AVIL: variants seen among roughly 807,000 people sequenced by gnomAD.
The protein encoded by AVIL is advillin.
A neutral mutation model predicts 109.9 loss-of-function variants in AVIL; 78 were observed. That is an observed-to-expected ratio of 0.71 (90% confidence interval 0.59 to 0.86). The LOEUF is 0.86. AVIL is among the 40% of genes least tolerant of loss of function. AVIL has a pLI of 0.00. For synonymous variants in AVIL, 367 were observed against 379.1 expected (o/e 0.97, Z 0.37); for missense variants, 892 against 1,016.5 (o/e 0.88, Z 1.67).
rs374173803 is a variant in AVIL, at chr12:57,810,493, C to G, written c.617G>C (p.Gly206Ala). ...TGCCTCCTTGTCTCCCTCGATCACT[C>G]CTATTTTAGCACGGCCCCCTCGCTC... ...DRERGGRAKIGVIEGDKEAAS... is the reference protein window; with the variant it reads ...DRERGGRAKIAVIEGDKEAAS... The change falls in exon 7 of 20, where the codon GGA becomes GCA. Residue 206 changes from glycine to alanine, a missense_variant. Coordinates refer to ENST00000549994, the MANE Select transcript of AVIL (RefSeq NM_006576.4). 1.5e-5 allele frequency: 24 copies of G among 1,614,198 alleles called. No homozygotes were observed. In the African/African-American group the frequency reaches 2.8e-4, roughly 19 times the overall value.
intron 7 of AVIL, 101 bp from the exon 8 acceptor site, chr12:57,809,991 T>A: frequency 8.0e-7 from 1 of 1,247,542 alleles, no homozygotes; most frequent in Non-Finnish European, 1.2e-6. Flanking sequence ...AGTTTCTAGG[T>A]AGAGTGTGAC....
At chr12:57,803,477 T>G in intron 15 of AVIL, 47 bp downstream of exon 15, 1 of 1,613,780 alleles carries the variant, frequency 6.2e-7, no homozygotes, top group Non-Finnish European at 8.5e-7. Flanking sequence ...TTCACAAGCC[T>G]GGCAGGCAGG....
intron 8 of AVIL, 37 bp from the exon 9 acceptor site, chr12:57,809,732 C>A (rs892992102): frequency 1.2e-6 from 2 of 1,613,756 alleles, no homozygotes; most frequent in African/African-American, 2.7e-5. Context: ...TGCTCAAGAC[C>A]AGAAGGAAGA....
At chr12:57,811,947 A>G (rs769844809) in intron 4 of AVIL, among the ~76,000 whole-genome samples, 7 of 151,874 alleles carry the variant, frequency 4.6e-5, no homozygotes, top group Non-Finnish European at 1.0e-4. Flanking sequence ...ATACGCTTCC[A>G]TTCTAACTGT....
chr12:57,808,481 G>C lies in AVIL; in HGVS notation c.1007C>G (p.Ser336Trp). Residue 336 changes from serine to tryptophan, a missense_variant, in exon 10 of 20, where the codon TCG becomes TGG. Ser to Trp is a radical substitution (Grantham distance 177, BLOSUM62 -3). Coordinates refer to ENST00000549994, the MANE Select transcript of AVIL (RefSeq NM_006576.4). ...NVETVNDGAE[S>W]AMFKQLFQKW... is the part of the protein sequence containing the mutation. ...CTGGAACAGCTGCTTGAACATGGCCGACTCAGCACCATCGTTGACGGTCTC... is the reference window on the plus strand; with the variant it reads ...CTGGAACAGCTGCTTGAACATGGCCCACTCAGCACCATCGTTGACGGTCTC... 1 of 1,614,086 alleles carries C rather than the reference G, an allele frequency of 6.2e-7. No homozygotes were observed. The highest frequency in any genetic ancestry group is 8.5e-7 in the Non-Finnish European group (1 of 1,180,028).
chr12:57,803,864 A>T, intron 14 of AVIL, 195 bp from the exon 15 acceptor site: 2 of 667,562 alleles, frequency 3.0e-6, no homozygotes, highest in South Asian at 6.3e-5. Context: ...AAAGAACAGG[A>T]CTAGGCTTTG....
In AVIL at chr12:57,801,255, T is replaced by C. The variant is rs112274200; in HGVS notation, c.2152-43A>G. 8,984 of 1,534,584 alleles carry C rather than the reference T, an allele frequency of 5.9e-3. 270 individuals carry two copies. The South Asian group carries it at 0.062, about 11-fold the overall frequency. ...AAAACACAGGATGAGGTCTTTCTTATAGGGGAGGGACATCTTAGGTCTGGT... is the reference window on the plus strand; with the variant it reads ...AAAACACAGGATGAGGTCTTTCTTACAGGGGAGGGACATCTTAGGTCTGGT... On this transcript the variant is annotated intron_variant, in intron 17 of 19. Transcript: ENST00000549994.
Position 57,807,599 on chromosome 12 carries a change from G to A in AVIL, c.1323C>T (p.Tyr441=), listed in dbSNP as rs768885926. The change falls in exon 12 of 20, where the codon TAC becomes TAT. Residue 441 remains tyrosine, a synonymous_variant. Transcript: ENST00000549994. ...EVNGKPHHIL[Y]IWQGRHASQD... ...CCTGTGCCAGGCCTACCTGCCAGAT[G>A]TACAAGATGTGATGTGGCTTCCCAT... 7.4e-6 allele frequency: 12 copies of A among 1,614,254 alleles called. No individual in the cohort carries two copies. The highest frequency in any genetic ancestry group is 3.3e-5 in the Admixed American group (2 of 60,026).
chr12:57,806,818 A>G (rs866931544), intron 13 of AVIL, among the ~76,000 whole-genome samples: 10 of 152,350 alleles, frequency 6.6e-5, no homozygotes, highest in South Asian at 6.2e-4. Flanking sequence ...TTATTATTCC[A>G]TAGTACAGAT....
rs758867063 is a variant in AVIL, at chr12:57,810,880, A to G, written c.494T>C (p.Leu165Pro). Residue 165 changes from leucine (L) to proline (P), a missense_variant, in exon 6 of 20, where the codon CTG (leucine) becomes CCG (proline). Transcript: ENST00000549994. ...DSFNRGDVFLLDLGKVIIQWN... is the reference protein window; with the variant it reads ...DSFNRGDVFLPDLGKVIIQWN... ...TTGGATGATGACTTTCCCAAGGTCC[A>G]GCAAGAAGACATCACCTCGGTTGAA... 9.9e-6 allele frequency: 16 copies of G among 1,614,204 alleles called. No homozygotes were observed. The East Asian group carries it at 3.6e-4, about 36-fold the overall frequency.
intron 1 of AVIL, among the ~76,000 whole-genome samples, chr12:57,817,775 G>A (rs979399265): frequency 6.6e-6 from 1 of 152,106 alleles, no homozygotes; most frequent in East Asian, 1.9e-4. Context: ...CCCCGAATGC[G>A]AGAGGATAAG....
chr12:57,802,579 T>A, intron 16 of AVIL: 1 of 714,022 alleles, frequency 1.4e-6, no homozygotes, highest in South Asian at 1.5e-5. Flanking sequence ...ATTGGAGCTG[T>A]CTCTGAACTT....
intron 14 of AVIL, among the ~76,000 whole-genome samples, chr12:57,805,031 G>C (rs963469084): frequency 6.6e-6 from 1 of 152,018 alleles, no homozygotes; most frequent in African/African-American, 2.4e-5. Context: ...ATCTTTTCCT[G>C]TTCTTTTTTG....
Position 57,807,473 on chromosome 12 carries a change from T to C in AVIL, c.1349A>G (p.Gln450Arg), listed in dbSNP as rs1348686565. 1.2e-6 allele frequency: 2 copies of C among 1,614,140 alleles called. No homozygotes were observed. The highest frequency in any genetic ancestry group is 1.7e-6 in the Non-Finnish European group (2 of 1,180,052). The change falls in exon 13 of 20, where the codon CAG (glutamine) becomes CGG (arginine). Residue 450 changes from glutamine to arginine, a missense_variant. By Grantham distance (43) the Gln-to-Arg change is conservative. Coordinates refer to ENST00000549994, the MANE Select transcript of AVIL (RefSeq NM_006576.4). Reference protein sequence around the residue: ...LYIWQGRHASQDELAASAYQA... With the variant: ...LYIWQGRHASRDELAASAYQA... ...GTATGCTGAGGCTGCCAGCTCATCC[T>C]GTGAGGCGTGGCGGCCCTGCAATGG...
chr12:57,797,909 T>C lies in AVIL; in HGVS notation c.2433A>G (p.Gln811=), dbSNP rs1405369927. 9 of 1,612,404 alleles carry C rather than the reference T, an allele frequency of 5.6e-6. No individual in the cohort carries two copies. Among genetic ancestry groups the C allele is most frequent in the East Asian group, 4.5e-5 (2 of 44,804 alleles). ...FAALPGWKQL[Q]MKKEKGLF is the part of the protein sequence containing the mutation. ...AGAAAAGCCCCTTTTCTTTCTTCAT[T>C]TGGAGCTGTTTCCAGCCAGGCAGAG... Residue 811 remains glutamine, a synonymous_variant, in exon 20 of 20, where the codon CAA becomes CAG. Coordinates refer to ENST00000549994, the MANE Select transcript of AVIL (RefSeq NM_006576.4).
rs748174676 is a variant in AVIL at position 57,797,868 on chromosome 12, T to C, written c.*14A>G. 6.3e-7 allele frequency: 1 copy of C among 1,598,938 alleles called. No individual in the cohort carries two copies. The highest frequency in any genetic ancestry group is 1.7e-5 in the Admixed American group (1 of 58,456). On this transcript the variant is annotated 3_prime_UTR_variant, in exon 20 of 20. Coordinates refer to ENST00000549994, the MANE Select transcript of AVIL (RefSeq NM_006576.4). The stretch of plus-strand genomic sequence containing the variant: ...CTTTTCTGTGGCCTTGCAATAGGTA[T>C]AGGCCTTCTTGCTTTAGAAAAGCCC...
intron 13 of AVIL, 77 bp from the exon 14 acceptor site, chr12:57,806,616 C>T (rs1404185759): frequency 4.8e-5 from 72 of 1,513,886 alleles, no homozygotes; most frequent in South Asian, 2.6e-4. Flanking sequence ...TTGTGGGAAA[C>T]GTGAATGTTA....
chr12:57,804,865 C>T (rs1955919186), intron 14 of AVIL, among the ~76,000 whole-genome samples: 1 of 151,790 alleles, frequency 6.6e-6, no homozygotes, highest in Non-Finnish European at 1.5e-5. Context: ...GAAGCTGTAC[C>T]ATTTGCAATC....
chr12:57,806,378 G>T lies in AVIL; in HGVS notation c.1653C>A (p.His551Gln). The part of the protein sequence containing the change: ...DVFLLRTQAE[H>Q]YLWYGKGSSG... ...ATCCTACCTTGCCATACCACAGGTA[G>T]TGCTCTGCCTGAGTTCGCAGCAGAA... Residue 551 changes from histidine (H) to glutamine (Q), a missense_variant, in exon 14 of 20, where the codon CAC becomes CAA. Coordinates refer to ENST00000549994, the MANE Select transcript of AVIL (RefSeq NM_006576.4). 1.2e-6 allele frequency: 2 copies of T among 1,614,120 alleles called. No individual in the cohort carries two copies. The highest frequency in any genetic ancestry group is 1.7e-6 in the Non-Finnish European group (2 of 1,180,024).
Sources: allele counts gnomAD v4.1 joint callset (sites outside exome capture counted in the v4.1 genomes callset), GRCh38; gene constraint gnomAD v4.1.1; transcripts MANE v1.5; gene names NCBI Gene and HGNC (gene_info 2026-07-23, HGNC 2026-07-21).